Variants in XYLT1 observed in about 807,000 individuals in gnomAD.
The protein encoded by XYLT1 is xylosyltransferase 1.
Under a neutral mutation model 91.3 loss-of-function variants are expected in XYLT1, and 36 were observed. The ratio of observed to expected loss-of-function variants is 0.39; its 90% CI spans 0.30 to 0.52. The LOEUF is 0.52. Ranked by LOEUF, XYLT1 falls within the 20% of genes least tolerant of loss-of-function variation. XYLT1 has a pLI of 0.68. For synonymous variants in XYLT1, 588 were observed against 532.0 expected, an observed-to-expected ratio of 1.11 and a Z score of -1.45; for missense variants, 1,242 against 1,284.5, an observed-to-expected ratio of 0.97 and a Z score of 0.51.
chr16:17,115,285 C>T (rs1318216292), intron 11 of XYLT1, among the ~76,000 whole-genome samples: 1 of 118,100 alleles, frequency 8.5e-6, no homozygotes, highest in Non-Finnish European at 1.6e-5. Flanking sequence ...GCCAGGACAA[C>T]ACAGACCACA....
chr16:17,367,545 T>C (rs995444416), intron 1 of XYLT1, among the ~76,000 whole-genome samples: 2 of 152,248 alleles, frequency 1.3e-5, no homozygotes, highest in African/African-American at 4.8e-5. Context: ...AGACATTGTC[T>C]GGAGTTCCAA....
intron 3 of XYLT1, among the ~76,000 whole-genome samples, chr16:17,233,232 G>C (rs1239998457): frequency 6.6e-6 from 1 of 152,188 alleles, no homozygotes; most frequent in East Asian, 1.9e-4. Context: ...GAGACCTCAA[G>C]GCAAACTCAT....
chr16:17,319,116 G>A (rs571338139), intron 2 of XYLT1, among the ~76,000 whole-genome samples: 7 of 152,148 alleles, frequency 4.6e-5, no homozygotes, highest in Admixed American at 1.3e-4. Flanking sequence ...GGGTGAACTT[G>A]AATGAGCTAC....
chr16:17,302,057 C>T (rs1404967678), intron 2 of XYLT1, among the ~76,000 whole-genome samples: 3 of 151,950 alleles, frequency 2.0e-5, no homozygotes, highest in South Asian at 2.1e-4. Context: ...ACTAAAAATG[C>T]AAAAATTAGC....
chr16:17,309,796 G>A (rs1418106610), intron 2 of XYLT1, among the ~76,000 whole-genome samples: 1 of 152,310 alleles, frequency 6.6e-6, no homozygotes, highest in Non-Finnish European at 1.5e-5. Context: ...AGATTAACAG[G>A]GTTAAGATGT....
chr16:17,399,964 T>G (rs1017793530), intron 1 of XYLT1, among the ~76,000 whole-genome samples: 2 of 152,052 alleles, frequency 1.3e-5, no homozygotes, highest in Non-Finnish European at 1.5e-5. Flanking sequence ...CAAAATAGAG[T>G]GGCTGTGTTT....
intron 1 of XYLT1, among the ~76,000 whole-genome samples, chr16:17,397,504 G>C (rs2035903116): frequency 6.6e-6 from 1 of 152,090 alleles, no homozygotes; most frequent in African/African-American, 2.4e-5. Context: ...GACCCCTTTT[G>C]CTGGGGTACC....
chr16:17,166,800 C>G (rs777228575), intron 5 of XYLT1, among the ~76,000 whole-genome samples: 2 of 151,980 alleles, frequency 1.3e-5, no homozygotes, highest in Admixed American at 1.3e-4. Flanking sequence ...GACATGAGGC[C>G]CTGTGCCTGG....
intron 3 of XYLT1, among the ~76,000 whole-genome samples, chr16:17,210,895 CT>C (rs902127358): frequency 2.0e-5 from 3 of 152,146 alleles, no homozygotes; most frequent in African/African-American, 7.2e-5. Flanking sequence ...ACTGAACTTC[CT>C]TTTCCAAAAA....
chr16:17,260,317 C>T (rs2033704269), intron 2 of XYLT1, among the ~76,000 whole-genome samples: 1 of 152,196 alleles, frequency 6.6e-6, no homozygotes, highest in Admixed American at 6.5e-5. Flanking sequence ...TCAAATGCAT[C>T]ATTCAACCAA....
intron 2 of XYLT1, among the ~76,000 whole-genome samples, chr16:17,340,360 C>A (rs991168816): frequency 6.6e-6 from 1 of 152,268 alleles, no homozygotes; most frequent in Non-Finnish European, 1.5e-5. Context: ...CTGTCTTTCA[C>A]AGGCTGAACA....
intron 1 of XYLT1, among the ~76,000 whole-genome samples, chr16:17,454,630 G>A (rs765175926): frequency 2.0e-5 from 3 of 151,520 alleles, no homozygotes; most frequent in Admixed American, 2.0e-4. Flanking sequence ...TCTGCCTCCC[G>A]GGTTCAAGTG....
chr16:17,459,375 A>AT (rs1346875341), intron 1 of XYLT1, among the ~76,000 whole-genome samples: 3 of 152,340 alleles, frequency 2.0e-5, no homozygotes, highest in Non-Finnish European at 4.4e-5. Context: ...CTGTCTCAAT[A>AT]AATTAACAAA....
At chr16:17,369,035 A>C (rs1465943839) in intron 1 of XYLT1, among the ~76,000 whole-genome samples, 1 of 151,540 alleles carries the variant, frequency 6.6e-6, no homozygotes, top group African/African-American at 2.4e-5. Flanking sequence ...TTTAACCTTA[A>C]TATCTTCAGA....
At chr16:17,245,899 T>G (rs2033428496) in intron 3 of XYLT1, among the ~76,000 whole-genome samples, 1 of 152,200 alleles carries the variant, frequency 6.6e-6, no homozygotes, top group African/African-American at 2.4e-5. Flanking sequence ...TGAACTGACT[T>G]CAAACACAAG....
rs190982996 is a variant in XYLT1 at position 17,376,533 on chromosome 16, G to C, written c.364-18483C>G. Among the ~76,000 whole-genome samples the C allele has an allele frequency of 6.6e-4, 100 of 152,262 alleles. 1 individual carries two copies. Among genetic ancestry groups the C allele is most frequent in the South Asian group, 3.7e-3 (18 of 4,828 alleles). ...TTGGTGACTTGTCTTTTCTGTTAAA[G>C]AACAGGGACCTGGCTGGGCACAGTG... On this transcript the variant is annotated intron_variant, in intron 1 of 11. Coordinates refer to ENST00000261381, the MANE Select transcript of XYLT1 (RefSeq NM_022166.4).
intron 1 of XYLT1, among the ~76,000 whole-genome samples, chr16:17,417,629 TA>T (rs1278558377): frequency 6.6e-6 from 1 of 152,186 alleles, no homozygotes; most frequent in African/African-American, 2.4e-5. Context: ...CGGCGTGTGC[TA>T]GTTCACCACC....
At chr16:17,392,515 C>T (rs923639155) in intron 1 of XYLT1, among the ~76,000 whole-genome samples, 10 of 152,180 alleles carry the variant, frequency 6.6e-5, no homozygotes, top group African/African-American at 1.9e-4. Flanking sequence ...GCTGCATCCT[C>T]ATCGTGCACA....
intron 5 of XYLT1, among the ~76,000 whole-genome samples, chr16:17,197,773 C>T (rs1219415070): frequency 1.3e-5 from 2 of 152,286 alleles, no homozygotes; most frequent in Middle Eastern, 3.4e-3. Flanking sequence ...CTGTGGGCTT[C>T]CCTACTTTTG....
Sources: allele counts gnomAD v4.1 joint callset (sites outside exome capture counted in the v4.1 genomes callset), GRCh38; gene constraint gnomAD v4.1.1; transcripts MANE v1.5; gene names NCBI Gene and HGNC (gene_info 2026-07-23, HGNC 2026-07-21).